The following PCDHGB1 variants were observed in gnomAD, a reference collection of about 807,000 sequenced individuals.
PCDHGB1 encodes the protein protocadherin gamma subfamily B, 1, also known as protocadherin gamma-B1.
Under a neutral mutation model 56.6 loss-of-function variants are expected in PCDHGB1, and 34 were observed. The observed-to-expected ratio is 0.60, with a 90% CI of 0.46 to 0.80. PCDHGB1 has a LOEUF of 0.80. Ranked by LOEUF, PCDHGB1 falls within the 30% of genes least tolerant of loss-of-function variation. The pLI is 0.00. For synonymous variants in PCDHGB1, 561 were observed against 505.9 expected, an observed-to-expected ratio of 1.11 and a Z score of -1.46; for missense variants, 1,278 against 1,204.6, an observed-to-expected ratio of 1.06 and a Z score of -0.90.
At chr5:141,503,916 C>T (rs1372491893) in intron 2 of PCDHGB1, among the ~76,000 whole-genome samples, 1 of 152,246 alleles carries the variant, frequency 6.6e-6, no homozygotes, top group African/African-American at 2.4e-5. Context: ...CAACGCAACA[C>T]ACACACAGAC....
chr5:141,383,810 T>C (rs879645741), intron 1 of PCDHGB1: 2 of 1,613,958 alleles, frequency 1.2e-6, no homozygotes, highest in Non-Finnish European at 8.5e-7. Context: ...ATATCAACTT[T>C]AGAAGGATTA....
At chr5:141,362,071 G>T (rs1322302295) in intron 1 of PCDHGB1, 1 of 1,612,812 alleles carries the variant, frequency 6.2e-7, no homozygotes, top group African/African-American at 1.3e-5. Flanking sequence ...GCTGGTCGCT[G>T]TGCGTGATGG....
chr5:141,403,613 C>T lies in PCDHGB1; in HGVS notation c.2409+50944C>T, dbSNP rs769394271. On this transcript the variant is annotated intron_variant, in intron 1 of 3. Transcript: ENST00000523390. ...CACGGCCTCGGATGGCGGCGAGCCG[C>T]GTCGCTCCAGCACAGTGCGCATCCA... The T allele has an allele frequency of 3.5e-5, 56 of 1,613,778 alleles. No homozygotes were observed. Among genetic ancestry groups the T allele is most frequent in the Non-Finnish European group, 4.7e-5 (55 of 1,179,908 alleles).
intron 1 of PCDHGB1, chr5:141,404,626 T>C (rs1443011566): frequency 1.2e-6 from 2 of 1,614,164 alleles, no homozygotes; most frequent in Admixed American, 3.3e-5. Flanking sequence ...AGAATGACAA[T>C]GCCCCAGAAA....
rs1042973261 is a variant in PCDHGB1 at position 141,491,547 on chromosome 5, G to T, written c.2410-3260G>T. ...AGGTGACGCTGCGGCCCACAGACTC[G>T]CAGAGCCACTGCTACAGGACGTGCT... On this transcript the variant is annotated intron_variant, in intron 1 of 3. Transcript: ENST00000523390. The surrounding 1 kb of genome is among the most constrained non-coding windows in gnomAD (Gnocchi z 6.9). 6.8e-6 allele frequency: 11 copies of T among 1,613,856 alleles called. No homozygotes were observed. Among genetic ancestry groups the T allele is most frequent in the Middle Eastern group, 1.6e-4 (1 of 6,084 alleles).
chr5:141,392,794 G>A (rs1002894691), intron 1 of PCDHGB1: 2 of 1,563,344 alleles, frequency 1.3e-6, no homozygotes, highest in African/African-American at 1.4e-5. Flanking sequence ...ATTCTGAGAG[G>A]ATTCTGCAGC....
intron 1 of PCDHGB1, chr5:141,388,748 C>T: frequency 6.2e-7 from 1 of 1,613,928 alleles, no homozygotes; most frequent in Non-Finnish European, 8.5e-7. Flanking sequence ...GCCAGATCAC[C>T]CAATTTGACC....
chr5:141,411,192 G>C (rs2095472836), intron 1 of PCDHGB1: 1 of 152,098 alleles, frequency 6.6e-6, no homozygotes, highest in African/African-American at 2.4e-5. Flanking sequence ...TGGCATCTAA[G>C]AAAACAAACA....
At chr5:141,510,795 G>A in intron 3 of PCDHGB1, 152 bp from the exon 4 acceptor site, 6 of 1,465,214 alleles carry the variant, frequency 4.1e-6, no homozygotes, top group Non-Finnish European at 5.5e-6. Context: ...CTTGTGAAGA[G>A]AGACTACCTT....
Position 141,351,043 on chromosome 5 carries a change from G to T in PCDHGB1, c.783G>T (p.Val261=), listed in dbSNP as rs747483340. 4 of 1,614,084 alleles carry T rather than the reference G, an allele frequency of 2.5e-6. No individual in the cohort carries two copies. The South Asian group carries it at 4.4e-5, about 18-fold the overall frequency. Residue 261 remains valine (V), a synonymous_variant, in exon 1 of 4, where the codon GTG becomes GTT. Transcript: ENST00000523390. ...NVPWGTSVLR[V]MATDQDEGIN... is the part of the protein sequence containing the mutation. ...CGTGGGGAACCTCCGTGCTGCGGGT[G>T]ATGGCCACAGACCAGGATGAGGGCA...
chr5:141,370,496 C>T, intron 1 of PCDHGB1: 1 of 1,613,970 alleles, frequency 6.2e-7, no homozygotes, highest in Non-Finnish European at 8.5e-7. Flanking sequence ...AACCGATCCG[C>T]TACGCTATTC....
chr5:141,362,447 C>G (rs769703158), intron 1 of PCDHGB1: 1 of 1,614,048 alleles, frequency 6.2e-7, no homozygotes, highest in Non-Finnish European at 8.5e-7. Flanking sequence ...CTGAACATAA[C>G]CCCGGAATTG....
intron 1 of PCDHGB1, chr5:141,404,217 T>C (rs1188874623): frequency 6.2e-7 from 1 of 1,613,588 alleles, no homozygotes; most frequent in Non-Finnish European, 8.5e-7. Context: ...AATATCACGG[T>C]GACTGCAACA....
chr5:141,416,098 G>A (rs745507614), intron 1 of PCDHGB1: 19 of 160,674 alleles, frequency 1.2e-4, no homozygotes, highest in Non-Finnish European at 8.1e-5. Flanking sequence ...AAGGGCAATA[G>A]GCCTTTTTCA....
At chr5:141,356,028 C>A in intron 1 of PCDHGB1, 1 of 1,613,932 alleles carries the variant, frequency 6.2e-7, no homozygotes, top group Non-Finnish European at 8.5e-7. Context: ...CCAATGGAGA[C>A]GTGACGTATT....
Position 141,493,701 on chromosome 5 carries a change from C to G in PCDHGB1, c.2410-1106C>G, listed in dbSNP as rs2099749680. 6.6e-6 allele frequency among the ~76,000 whole-genome samples: 1 copy of G among 152,172 alleles called. No homozygotes were observed. Among genetic ancestry groups the G allele is most frequent in the Admixed American group, 6.5e-5 (1 of 15,286 alleles). On this transcript the variant is annotated intron_variant, in intron 1 of 3. Coordinates refer to ENST00000523390, the MANE Select transcript of PCDHGB1 (RefSeq NM_018922.3). This position sits in a 1 kb window ranked among gnomAD's most constrained non-coding sequence, Gnocchi z 4.3. Reference sequence around the variant, plus strand: ...ATGGTGCTGGTGACTCCCGATACACCTGGAATGCTAGGTTTCTGGGTTCTG... The same window carrying G: ...ATGGTGCTGGTGACTCCCGATACACGTGGAATGCTAGGTTTCTGGGTTCTG...
rs377527142 is a variant in PCDHGB1 at position 141,351,400 on chromosome 5, C to G, written c.1140C>G (p.Cys380Trp). Reference sequence around the variant, plus strand: ...CTGGGCAAAATGGCATGGTGACATGCTATACTCAGGAAGAAGTTCCTTTCA... The same window carrying G: ...CTGGGCAAAATGGCATGGTGACATGGTATACTCAGGAAGAAGTTCCTTTCA... Reference protein sequence around the residue: ...KDSGQNGMVTCYTQEEVPFKL... With the variant: ...KDSGQNGMVTWYTQEEVPFKL... Residue 380 changes from cysteine to tryptophan, a missense_variant, in exon 1 of 4, where the codon TGC (cysteine) becomes TGG (tryptophan). Cys to Trp is a radical substitution (Grantham distance 215, BLOSUM62 -2). Transcript: ENST00000523390. 1 of 1,611,298 alleles carries G rather than the reference C, an allele frequency of 6.2e-7. No homozygotes were observed. Among genetic ancestry groups the G allele is most frequent in the African/African-American group, 1.3e-5 (1 of 74,886 alleles).
rs1004176028 is a variant in PCDHGB1 at position 141,477,025 on chromosome 5, G to A, written c.2410-17782G>A. On this transcript the variant is annotated intron_variant, in intron 1 of 3. Transcript: ENST00000523390. This position sits in a 1 kb window ranked among gnomAD's most constrained non-coding sequence, Gnocchi z 4.9. ...TCGCCTTAGACCTTGTAACCGGGATGCTGACAATCAAGGGTCGGCTGGACT... is the reference window on the plus strand; with the variant it reads ...TCGCCTTAGACCTTGTAACCGGGATACTGACAATCAAGGGTCGGCTGGACT... 10 of 1,614,146 alleles carry A rather than the reference G, an allele frequency of 6.2e-6. No homozygotes were observed. Among genetic ancestry groups the A allele is most frequent in the East Asian group, 2.2e-5 (1 of 44,888 alleles).
Position 141,491,456 on chromosome 5 carries a change from C to A in PCDHGB1, c.2410-3351C>A. ...TGCAGGCGCCAGGACTCACCCTCCC[C>A]GGACTTCTATAAGCAGTCCAGCCCC... On this transcript the variant is annotated intron_variant, in intron 1 of 3. Coordinates refer to ENST00000523390, the MANE Select transcript of PCDHGB1 (RefSeq NM_018922.3). The surrounding 1 kb of genome is among the most constrained non-coding windows in gnomAD (Gnocchi z 6.9). 1.2e-6 allele frequency: 2 copies of A among 1,614,104 alleles called. No homozygotes were observed.
Sources: allele counts gnomAD v4.1 joint callset (sites outside exome capture counted in the v4.1 genomes callset), GRCh38; gene constraint gnomAD v4.1.1; non-coding constraint Gnocchi (gnomAD v3.1); transcripts MANE v1.5; gene names NCBI Gene and HGNC (gene_info 2026-07-23, HGNC 2026-07-21).